TET3: variants seen among roughly 807,000 people sequenced by gnomAD.
The protein encoded by TET3 is methylcytosine dioxygenase TET3.
A neutral mutation model predicts 141.4 loss-of-function variants in TET3; 19 were observed. That is an observed-to-expected ratio of 0.13 (90% CI 0.09 to 0.20). The LOEUF (loss-of-function observed/expected upper bound fraction) is 0.20, where lower values mean the gene tolerates loss of function less well. TET3 is among the 10% of genes least tolerant of loss of function. The pLI, the probability that TET3 is intolerant of heterozygous loss-of-function variation, is 1.00. For missense variants in TET3, 1,874 were observed against 2,356.9 expected, an observed-to-expected ratio of 0.80 and a Z score of 4.24; for synonymous variants, 1,043 against 980.9, an observed-to-expected ratio of 1.06 and a Z score of -1.18.
At chr2:74,010,698 A>G (rs1285935741) in intron 3 of TET3, among the ~76,000 whole-genome samples, 1 of 152,216 alleles carries the variant, frequency 6.6e-6, no homozygotes, top group East Asian at 1.9e-4. Flanking sequence ...TGCCATATCC[A>G]GTTTGGGTCT....
chr2:74,111,047 G>C (rs980866565), downstream of TET3, among the ~76,000 whole-genome samples: 1 of 152,048 alleles, frequency 6.6e-6, no homozygotes, highest in Non-Finnish European at 1.5e-5. Flanking sequence ...GTCAGCTTCT[G>C]AGCCAGGGAT....
At chr2:73,996,630 C>T (rs1004083404) in intron 2 of TET3, among the ~76,000 whole-genome samples, 3 of 152,174 alleles carry the variant, frequency 2.0e-5, no homozygotes, top group Non-Finnish European at 2.9e-5. Flanking sequence ...GCCTTAGCCT[C>T]CTGAGTAGCT....
chr2:74,043,170 A>G (rs961434184), intron 3 of TET3, among the ~76,000 whole-genome samples: 2 of 152,222 alleles, frequency 1.3e-5, no homozygotes, highest in African/African-American at 4.8e-5. Context: ...GTCTTCCTAC[A>G]TAAGCATGTA....
chr2:74,062,858 T>TA (rs1164573730), intron 4 of TET3, among the ~76,000 whole-genome samples: 3 of 151,188 alleles, frequency 2.0e-5, no homozygotes, highest in Non-Finnish European at 1.5e-5. Context: ...AGGATCTAAA[T>TA]ACTTGGTTAA....
At chr2:74,057,317 A>C (rs75125312) in intron 4 of TET3, among the ~76,000 whole-genome samples, 104 of 152,248 alleles carry the variant, frequency 6.8e-4, no homozygotes, top group African/African-American at 2.3e-3. Context: ...CTCAACATAC[A>C]CATAAAAATT....
intron 4 of TET3, among the ~76,000 whole-genome samples, chr2:74,061,275 G>A (rs1259858303): frequency 2.0e-5 from 3 of 146,512 alleles, no homozygotes; most frequent in Non-Finnish European, 4.6e-5. Flanking sequence ...GGATGGGGCG[G>A]CTGGCCAGGC....
chr2:74,135,211 C>G, the TET3 span: 4 of 302,860 alleles, frequency 1.3e-5, no homozygotes, highest in African/African-American at 8.6e-5. Flanking sequence ...AAAAGAACAG[C>G]AATAGTAAAG....
At chr2:74,121,096 A>G in the TET3 span, 1 of 152,246 alleles carries the variant, frequency 6.6e-6, no homozygotes, top group Non-Finnish European at 1.5e-5. Context: ...GCACATCAGT[A>G]TTTTGAGAAA....
At chr2:74,117,895 A>G in the TET3 span, among the ~76,000 whole-genome samples, 1 of 151,864 alleles carries the variant, frequency 6.6e-6, no homozygotes, top group African/African-American at 2.4e-5. Context: ...ACAGGCACCC[A>G]CCACCACACC....
At chr2:74,031,822 C>A (rs970236690) in intron 3 of TET3, among the ~76,000 whole-genome samples, 6 of 152,156 alleles carry the variant, frequency 3.9e-5, no homozygotes, top group Non-Finnish European at 8.8e-5. Context: ...CACAGGGATT[C>A]CTGTGAAAAG....
At chr2:73,996,859 C>T (rs768328801) in intron 2 of TET3, among the ~76,000 whole-genome samples, 8 of 152,176 alleles carry the variant, frequency 5.3e-5, no homozygotes, top group Admixed American at 2.0e-4. Context: ...AAAAGAAGGC[C>T]GGCAGCCCAT....
At chr2:73,987,401 T>C (rs1684091241) in intron 2 of TET3, among the ~76,000 whole-genome samples, 1 of 152,034 alleles carries the variant, frequency 6.6e-6, no homozygotes, top group Non-Finnish European at 1.5e-5. Context: ...TTTGGGGTAG[T>C]AGGGTGGAGG....
chr2:74,088,946 T>C (rs1690318614), intron 7 of TET3, among the ~76,000 whole-genome samples: 3 of 151,938 alleles, frequency 2.0e-5, no homozygotes, highest in African/African-American at 7.3e-5. Flanking sequence ...CCAGGTGTGG[T>C]GACACATGCC....
At chr2:74,028,348 TAC>T (rs1686492843) in intron 3 of TET3, among the ~76,000 whole-genome samples, 1 of 152,146 alleles carries the variant, frequency 6.6e-6, no homozygotes, top group African/African-American at 2.4e-5. Flanking sequence ...TTTGATGAAG[TAC>T]AGTTTATCTT....
At chr2:74,049,270 T>G (rs949339653) in intron 4 of TET3, among the ~76,000 whole-genome samples, 6 of 152,162 alleles carry the variant, frequency 3.9e-5, no homozygotes, top group Admixed American at 2.0e-4. Context: ...ACGAGCCACA[T>G]CTGAAGTGGC....
chr2:74,001,338 C>T (rs10206797), intron 2 of TET3, among the ~76,000 whole-genome samples: 17,289 of 152,154 alleles, frequency 0.11, 1,077 homozygotes, highest in African/African-American at 0.14. Context: ...TCTCAAACAT[C>T]CTAATTAATC....
chr2:74,084,273 A>G (rs540738991), intron 6 of TET3, among the ~76,000 whole-genome samples: 2 of 152,344 alleles, frequency 1.3e-5, no homozygotes, highest in East Asian at 3.9e-4. Context: ...TAAGCAAGTC[A>G]TAAAAGGATA....
intron 3 of TET3, among the ~76,000 whole-genome samples, chr2:74,039,925 T>C (rs1687255491): frequency 6.6e-6 from 1 of 152,166 alleles, no homozygotes; most frequent in South Asian, 2.1e-4. Context: ...GAAAGTCATG[T>C]AGCATCACTT....
Position 74,101,576 on chromosome 2 carries a change from G to A in TET3, c.4788G>A (p.Leu1596=), listed in dbSNP as rs1415166958. 9 of 1,609,024 alleles carry A rather than the reference G, an allele frequency of 5.6e-6. No individual in the cohort carries two copies. Among genetic ancestry groups the A allele is most frequent in the East Asian group, 2.2e-5 (1 of 44,734 alleles). The part of the protein sequence containing the change: ...LGSSEKLFGA[L]KSEEKLWDPF... ...CCAGCGAGAAGCTGTTTGGGGCTCT[G>A]AAGTCAGAGGAGAAGCTGTGGGACC... Residue 1596 remains leucine (L), a synonymous_variant, in exon 12 of 12, where the codon CTG becomes CTA. Coordinates refer to ENST00000409262, the MANE Select transcript of TET3 (RefSeq NM_001287491.2). This position sits in a 1 kb window ranked among gnomAD's most constrained non-coding sequence, Gnocchi z 8.5.
Sources: allele counts gnomAD v4.1 joint callset (sites outside exome capture counted in the v4.1 genomes callset), GRCh38; gene constraint gnomAD v4.1.1; non-coding constraint Gnocchi (gnomAD v3.1); transcripts MANE v1.5; gene names NCBI Gene and HGNC (gene_info 2026-07-23, HGNC 2026-07-21).